HADHA: variants seen among roughly 807,000 people sequenced by gnomAD.
The protein encoded by HADHA is hydroxyacyl-CoA dehydrogenase trifunctional multienzyme complex subunit alpha, also known as trifunctional enzyme subunit alpha, mitochondrial.
A neutral mutation model predicts 91.3 loss-of-function variants in HADHA; 59 were observed. The observed-to-expected ratio is 0.65, with a 90% CI of 0.52 to 0.80. HADHA has a LOEUF of 0.80. HADHA is among the 30% of genes least tolerant of loss of function. The pLI, the probability that HADHA is intolerant of heterozygous loss-of-function variation, is 0.00. For missense variants in HADHA, 800 were observed against 927.6 expected (o/e 0.86, Z 1.79); for synonymous variants, 320 against 338.9 (o/e 0.94, Z 0.61).
intron 1 of HADHA, among the ~76,000 whole-genome samples, chr2:26,239,715 G>C (rs1670846326): frequency 6.6e-6 from 1 of 151,464 alleles, no homozygotes; most frequent in South Asian, 2.1e-4. Flanking sequence ...GAAAGGCAAG[G>C]TGACACATTA....
chr2:26,195,284 T>A (rs1473529981), intron 14 of HADHA, 52 bp from the exon 15 acceptor site: 1 of 1,487,608 alleles, frequency 6.7e-7, no homozygotes, highest in Non-Finnish European at 9.4e-7. Flanking sequence ...GTGAGGAACC[T>A]GAGAGCATTC....
intron 4 of HADHA, among the ~76,000 whole-genome samples, chr2:26,235,796 T>A (rs1301670533): frequency 6.6e-6 from 1 of 152,240 alleles, no homozygotes; most frequent in Non-Finnish European, 1.5e-5. Context: ...TTTAACCTAT[T>A]AAACTGACAC....
Position 26,190,825 on chromosome 2 carries a change from C to T in HADHA, c.*425G>A. 1 of 282,574 alleles carries T rather than the reference C, an allele frequency of 3.5e-6. No individual in the cohort carries two copies. Among genetic ancestry groups the T allele is most frequent in the Non-Finnish European group, 6.9e-6 (1 of 145,796 alleles). 17.5% of individuals were successfully genotyped at this position (282,574 alleles called of 1,614,324 possible). A position where few individuals can be genotyped will look rare whatever the true frequency, so the allele number is the denominator to read the frequency against. On this transcript the variant is annotated 3_prime_UTR_variant, in exon 20 of 20. Coordinates refer to ENST00000380649, the MANE Select transcript of HADHA (RefSeq NM_000182.5). The stretch of plus-strand genomic sequence containing the variant: ...TCCCCCAAAGCACAGGGCTTTCTTC[C>T]AGATTGCTTTTTGAAGGAGGCGTTT...
chr2:26,222,529 G>A (rs1224016454), intron 7 of HADHA, among the ~76,000 whole-genome samples: 12 of 152,182 alleles, frequency 7.9e-5, no homozygotes, highest in Non-Finnish European at 1.8e-4. Context: ...TCGTTCTATG[G>A]ATAGCAGTCA....
In HADHA at chr2:26,193,741, A is replaced by G; in HGVS notation, c.1721T>C (p.Leu574Pro). ...CACAGGAAAGCCAAAGCTTGTGGTCAGGGAATCCAGCTTCTTCGGGTCAAC... is the reference window on the plus strand; with the variant it reads ...CACAGGAAAGCCAAAGCTTGTGGTCGGGGAATCCAGCTTCTTCGGGTCAAC... Reference protein sequence around the residue: ...EGVDPKKLDSLTTSFGFPVGA... With the variant: ...EGVDPKKLDSPTTSFGFPVGA... Residue 574 changes from leucine (L) to proline (P), a missense_variant, in exon 17 of 20, where the codon CTG becomes CCG. By Grantham distance (98) the Leu-to-Pro change is moderately conservative. Coordinates refer to ENST00000380649, the MANE Select transcript of HADHA (RefSeq NM_000182.5). 1 of 1,614,214 alleles carries G rather than the reference A, an allele frequency of 6.2e-7. No homozygotes were observed.
chr2:26,224,788 C>T (rs1448510073), intron 7 of HADHA, among the ~76,000 whole-genome samples: 11 of 152,112 alleles, frequency 7.2e-5, no homozygotes, highest in Non-Finnish European at 1.6e-4. Flanking sequence ...GATATGTTAA[C>T]TTGGCTAGGC....
At chr2:26,192,261 C>T in intron 18 of HADHA, 49 bp downstream of exon 18, 2 of 947,498 alleles carry the variant, frequency 2.1e-6, no homozygotes, top group Non-Finnish European at 1.7e-6. Flanking sequence ...AAGCTTTGGG[C>T]TGTCAGAGAA....
rs572861032 is a variant in HADHA, at chr2:26,237,339, C to A, written c.181-351G>T. ...AGAAAAAAATGAAATACAAATAAGACATATAGGCCAGGCATGGTGGCTCAT... is the reference window on the plus strand; with the variant it reads ...AGAAAAAAATGAAATACAAATAAGAAATATAGGCCAGGCATGGTGGCTCAT... On this transcript the variant is annotated intron_variant, in intron 3 of 19. Coordinates refer to ENST00000380649, the MANE Select transcript of HADHA (RefSeq NM_000182.5). Among the ~76,000 whole-genome samples, 30 of 152,216 alleles carry A rather than the reference C, an allele frequency of 2.0e-4. No individual in the cohort carries two copies. The South Asian group carries it at 6.2e-3, about 32-fold the overall frequency.
rs1053865333 is a variant in HADHA at position 26,191,721 on chromosome 2, T to A, written c.2001-93A>T. 4 of 1,301,124 alleles carry A rather than the reference T, an allele frequency of 3.1e-6. No individual in the cohort carries two copies. The African/African-American group carries it at 5.8e-5, about 19-fold the overall frequency. The allele number at this position is 1,301,124 out of a possible 1,614,324, so 80.6% of individuals were successfully genotyped here. ...CAGAATGGAAGTCGGGATGGGTGCA[T>A]GGGGAGCTCTGTGGGCCGGTTGGTG... On this transcript the variant is annotated intron_variant, in intron 18 of 19. Coordinates refer to ENST00000380649, the MANE Select transcript of HADHA (RefSeq NM_000182.5).
At chr2:26,204,004 C>A in intron 12 of HADHA, 58 bp downstream of exon 12, 1 of 1,576,536 alleles carries the variant, frequency 6.3e-7, no homozygotes, top group Non-Finnish European at 8.7e-7. Flanking sequence ...CCACAAAAAA[C>A]AACTAACCAA....
At chr2:26,240,693 A>G (rs771407299) in intron 1 of HADHA, among the ~76,000 whole-genome samples, 25 of 152,318 alleles carry the variant, frequency 1.6e-4, no homozygotes, top group Non-Finnish European at 1.0e-4. Context: ...TATGTTGCCC[A>G]GGCTGGTCTT....
In HADHA at chr2:26,193,699, A is replaced by G; in HGVS notation, c.1763T>C (p.Val588Ala). The change falls in exon 17 of 20, where the codon GTG becomes GCG. Residue 588 changes from valine (V) to alanine (A), a missense_variant. Transcript: ENST00000380649. ...CGCTACATCCACACCAACTTCATCC[A>G]CCAGTGTGGCGGCACCCACAGGAAA... ...FGFPVGAATLVDEVGVDVAKH... is the reference protein window; with the variant it reads ...FGFPVGAATLADEVGVDVAKH... The G allele has an allele frequency of 6.2e-7, 1 of 1,613,804 alleles. No homozygotes were observed. Among genetic ancestry groups the G allele is most frequent in the Non-Finnish European group, 8.5e-7 (1 of 1,179,792 alleles).
chr2:26,215,276 T>G (rs1459964906), intron 7 of HADHA, 101 bp from the exon 8 acceptor site: 2 of 1,054,606 alleles, frequency 1.9e-6, no homozygotes, highest in Non-Finnish European at 2.9e-6. Context: ...TAGCACAGCG[T>G]TCCATTTCAG....
chr2:26,195,376 A>G, intron 14 of HADHA, 144 bp from the exon 15 acceptor site: 1 of 778,834 alleles, frequency 1.3e-6, no homozygotes. Context: ...GTTTGGTTCC[A>G]TGGGTCTTTG....
chr2:26,241,014 T>C (rs1033922087), intron 1 of HADHA, among the ~76,000 whole-genome samples: 5 of 152,136 alleles, frequency 3.3e-5, no homozygotes, highest in African/African-American at 1.2e-4. Flanking sequence ...TAGCTTTGCT[T>C]TTGGAGTCTA....
At chr2:26,233,567 T>C (rs1312538618) in intron 5 of HADHA, among the ~76,000 whole-genome samples, 1 of 152,220 alleles carries the variant, frequency 6.6e-6, no homozygotes, top group Non-Finnish European at 1.5e-5. Context: ...AAAGCACTTA[T>C]ATTATGCTTT....
rs1574627624 is a variant in HADHA at position 26,238,937 on chromosome 2, T to C, written c.177A>G (p.Ser59=). Residue 59 remains serine (S), a synonymous_variant, in exon 3 of 20, where the codon TCA becomes TCG. Transcript: ENST00000380649. The part of the protein sequence containing the change: ...VAVVRINSPN[S]KVNTLSKELH... ...AACTGCAAATTAAATGAGATACCTT[T>C]GAATTGGGAGAGTTAATTCGAACAA... 1 of 1,592,940 alleles carries C rather than the reference T, an allele frequency of 6.3e-7. No homozygotes were observed. Among genetic ancestry groups the C allele is most frequent in the African/African-American group, 1.3e-5 (1 of 74,596 alleles).
Position 26,229,456 on chromosome 2 carries a change from A to G in HADHA, c.676+736T>C, listed in dbSNP as rs1670567109. 6.6e-6 allele frequency among the ~76,000 whole-genome samples: 1 copy of G among 152,170 alleles called. No homozygotes were observed. Reference sequence around the variant, plus strand: ...AATATAAGAGGGTAATGAACACACAAGTCAGAATAGTGGCTTCTTTGGATA... The same window carrying G: ...AATATAAGAGGGTAATGAACACACAGGTCAGAATAGTGGCTTCTTTGGATA... On this transcript the variant is annotated intron_variant, in intron 7 of 19. Coordinates refer to ENST00000380649, the MANE Select transcript of HADHA (RefSeq NM_000182.5). This position sits in a 1 kb window ranked among gnomAD's most constrained non-coding sequence, Gnocchi z 4.3.
chr2:26,222,010 C>T (rs1030851541), intron 7 of HADHA, among the ~76,000 whole-genome samples: 1 of 152,108 alleles, frequency 6.6e-6, no homozygotes, highest in African/African-American at 2.4e-5. Flanking sequence ...GAATTGTGTC[C>T]CCCCTACCTC....
Sources: gnomAD v4.1 joint callset for allele counts (sites outside exome capture counted in the v4.1 genomes callset) on GRCh38, gnomAD v4.1.1 for gene constraint, Gnocchi (gnomAD v3.1) non-coding constraint, MANE v1.5 for transcripts, NCBI Gene and HGNC (gene_info 2026-07-23, HGNC 2026-07-21) for gene names.